Variants in CD300LG observed in about 807,000 individuals in gnomAD.
The protein encoded by CD300LG is CMRF35-like molecule 9.
In CD300LG, 29 loss-of-function variants were observed where a neutral mutation model predicts 31.5. The observed-to-expected ratio is 0.92, with a 90% CI of 0.68 to 1.25. The LOEUF is 1.25. Ranked by LOEUF, CD300LG falls within the 50% of genes most tolerant of loss-of-function variation. CD300LG has a pLI of 0.00. For synonymous variants in CD300LG, 175 were observed against 177.2 expected (o/e 0.99, Z 0.10); for missense variants, 396 against 417.6 (o/e 0.95, Z 0.45).
chr17:43,849,229 T>C (rs749231555), intron 2 of CD300LG: 15 of 457,654 alleles, frequency 3.3e-5, no homozygotes, highest in African/African-American at 5.9e-5. Context: ...TATCAGGGGA[T>C]AAAGAAGACT....
chr17:43,853,833 A>G lies in CD300LG; in HGVS notation c.508A>G (p.Thr170Ala). Residue 170 changes from threonine (T) to alanine (A), a missense_variant, in exon 4 of 7, where the codon ACC (threonine) becomes GCC (alanine). By Grantham distance (58) the Thr-to-Ala change is moderately conservative (BLOSUM62 0). Coordinates refer to ENST00000317310, the MANE Select transcript of CD300LG (RefSeq NM_145273.4). ...TTCTCCTGGGCTCTACCCGGCAGCCACCACAGCCAAGCAGGGGAAGACAGG... is the reference window on the plus strand; with the variant it reads ...TTCTCCTGGGCTCTACCCGGCAGCCGCCACAGCCAAGCAGGGGAAGACAGG... Reference protein sequence around the residue: ...LTSPGLYPAATTAKQGKTGAE... With the variant: ...LTSPGLYPAAATAKQGKTGAE... 6.2e-7 allele frequency: 1 copy of G among 1,614,016 alleles called. No homozygotes were observed. The highest frequency in any genetic ancestry group is 8.5e-7 in the Non-Finnish European group (1 of 1,179,934).
chr17:43,861,316 G>A (rs774147426), intron 6 of CD300LG: 8 of 981,206 alleles, frequency 8.2e-6, no homozygotes, highest in Non-Finnish European at 9.7e-6. Flanking sequence ...CCTCCACTCT[G>A]ACAATTAGAG....
chr17:43,858,968 C>T (rs116167865), intron 6 of CD300LG, among the ~76,000 whole-genome samples: 43 of 152,316 alleles, frequency 2.8e-4, no homozygotes, highest in African/African-American at 9.9e-4. Flanking sequence ...GCCAACGAAT[C>T]CTCATCATTC....
At chr17:43,851,935 C>T (rs1345728813) in intron 2 of CD300LG, among the ~76,000 whole-genome samples, 1 of 151,846 alleles carries the variant, frequency 6.6e-6, no homozygotes, top group African/African-American at 2.4e-5. Context: ...ACTGTGAGTG[C>T]ACAGAGGAAA....
intron 1 of CD300LG, 29 bp downstream of exon 1, chr17:43,847,288 A>G: frequency 6.4e-7 from 1 of 1,565,646 alleles, no homozygotes; most frequent in Non-Finnish European, 8.7e-7. Context: ...CTCGGGAGGG[A>G]TGTGGGGCTC....
intron 1 of CD300LG, among the ~76,000 whole-genome samples, 160 bp from the exon 2 acceptor site, chr17:43,848,397 GT>G (rs2046246889): frequency 6.6e-6 from 1 of 152,176 alleles, no homozygotes; most frequent in Non-Finnish European, 1.5e-5. Flanking sequence ...CCTGCCCCAA[GT>G]TCCCCCAGCG....
At chr17:43,852,291 C>T (rs1010579999) in intron 2 of CD300LG, among the ~76,000 whole-genome samples, 1 of 151,848 alleles carries the variant, frequency 6.6e-6, no homozygotes, top group African/African-American at 2.4e-5. Context: ...CTGCAATCAC[C>T]GCAACCTCTC....
chr17:43,850,188 C>T (rs1301626085), intron 2 of CD300LG, among the ~76,000 whole-genome samples: 1 of 152,186 alleles, frequency 6.6e-6, no homozygotes, highest in Non-Finnish European at 1.5e-5. Flanking sequence ...GTTTAACAGG[C>T]TGGGGATGCT....
chr17:43,852,835 C>A, intron 2 of CD300LG, 77 bp from the exon 3 acceptor site: 1 of 1,222,088 alleles, frequency 8.2e-7, no homozygotes, highest in Non-Finnish European at 1.2e-6. Flanking sequence ...GGTAGGAAAA[C>A]TGCCAGCTGC....
chr17:43,854,302 C>T (rs1369196222), intron 4 of CD300LG, among the ~76,000 whole-genome samples: 4 of 152,228 alleles, frequency 2.6e-5, no homozygotes, highest in Non-Finnish European at 5.9e-5. Flanking sequence ...CTGCCCCAGC[C>T]TCAGGGACGG....
At chr17:43,848,372 G>A (rs1411733316) in intron 1 of CD300LG, among the ~76,000 whole-genome samples, 186 bp from the exon 2 acceptor site, 1 of 152,196 alleles carries the variant, frequency 6.6e-6, no homozygotes, top group Non-Finnish European at 1.5e-5. Context: ...CCAGGGTTAG[G>A]GAAACAGCAA....
chr17:43,859,891 A>G (rs1376451867), intron 6 of CD300LG, among the ~76,000 whole-genome samples: 1 of 152,022 alleles, frequency 6.6e-6, no homozygotes, highest in Non-Finnish European at 1.5e-5. Context: ...TTTGGTATAT[A>G]TTTTATCTTT....
chr17:43,861,552 C>T lies in CD300LG; in HGVS notation c.886-246C>T, dbSNP rs150916898. Among the ~76,000 whole-genome samples the T allele has an allele frequency of 4.6e-3, 698 of 152,272 alleles. 10 individuals carry two copies. Among genetic ancestry groups the T allele is most frequent in the Admixed American group, 0.024 (374 of 15,308 alleles). ...TGCACTGCCCTCAAGGCCACAACTG[C>T]GCCAGAACCCAGCCTGGGGCCTTGA... On this transcript the variant is annotated intron_variant, in intron 6 of 6. Coordinates refer to ENST00000317310, the MANE Select transcript of CD300LG (RefSeq NM_145273.4).
intron 2 of CD300LG, among the ~76,000 whole-genome samples, chr17:43,851,710 G>A (rs1184641675): frequency 5.4e-5 from 8 of 148,398 alleles, no homozygotes; most frequent in Non-Finnish European, 8.9e-5. Flanking sequence ...GTGCAGTGGC[G>A]CGATCTCGGC....
intron 1 of CD300LG, among the ~76,000 whole-genome samples, chr17:43,847,999 T>G (rs2046233472): frequency 6.6e-6 from 1 of 151,840 alleles, no homozygotes. Context: ...TCCAAGCTCT[T>G]TGGGAGGCTG....
chr17:43,860,716 T>A (rs2046635412), intron 6 of CD300LG, among the ~76,000 whole-genome samples: 1 of 152,262 alleles, frequency 6.6e-6, no homozygotes, highest in South Asian at 2.1e-4. Flanking sequence ...ATTCGACGAA[T>A]CTTTGGCGTG....
intron 2 of CD300LG, among the ~76,000 whole-genome samples, chr17:43,850,362 G>A (rs2046312381): frequency 6.6e-6 from 1 of 152,206 alleles, no homozygotes; most frequent in Non-Finnish European, 1.5e-5. Flanking sequence ...ACACCATTGA[G>A]TATGGTGAAC....
rs2046683580 is a variant in CD300LG, at chr17:43,863,439, T to C, written c.*1528T>C. On this transcript the variant is annotated 3_prime_UTR_variant, in exon 7 of 7. Transcript: ENST00000317310. ...TAGTCTCACCAGAGACTATCATTAT[T>C]TCGTTTTGTTGTACTTCCTTCCACT... is the stretch of plus-strand genomic sequence containing the variant. 1 of 152,192 alleles carries C rather than the reference T, an allele frequency of 6.6e-6. No individual in the cohort carries two copies. Among genetic ancestry groups the C allele is most frequent in the African/African-American group, 2.4e-5 (1 of 41,438 alleles). 9.4% of individuals were successfully genotyped at this position (152,192 alleles called of 1,614,324 possible). A position where few individuals can be genotyped will look rare whatever the true frequency, so the allele number is the denominator to read the frequency against.
At chr17:43,848,337 C>A (rs919170985) in intron 1 of CD300LG, among the ~76,000 whole-genome samples, 1 of 152,220 alleles carries the variant, frequency 6.6e-6, no homozygotes, top group Non-Finnish European at 1.5e-5. Context: ...AGAACGCCAC[C>A]CCTGCACCCC....
Sources: gnomAD v4.1 joint callset for allele counts (sites outside exome capture counted in the v4.1 genomes callset) on GRCh38, gnomAD v4.1.1 for gene constraint, MANE v1.5 for transcripts, NCBI Gene and HGNC (gene_info 2026-07-23, HGNC 2026-07-21) for gene names.